DNM3: variants seen among roughly 807,000 people sequenced by gnomAD.
DNM3 encodes dynamin-3.
In DNM3, 47 loss-of-function variants were observed where a neutral mutation model predicts 101.6. The ratio of observed to expected loss-of-function variants is 0.46; its 90% CI spans 0.37 to 0.59. The LOEUF (loss-of-function observed/expected upper bound fraction) is 0.59, where lower values mean the gene tolerates loss of function less well. Among genes scored for constraint, DNM3 ranks in the 20% least tolerant of loss-of-function variants. DNM3 has a pLI of 0.00. For synonymous variants in DNM3, 385 were observed against 387.9 expected, an observed-to-expected ratio of 0.99 and a Z score of 0.09; for missense variants, 849 against 1,085.7, an observed-to-expected ratio of 0.78 and a Z score of 3.06.
At chr1:172,086,733 A>G (rs984365498) in intron 12 of DNM3, among the ~76,000 whole-genome samples, 23 of 152,098 alleles carry the variant, frequency 1.5e-4, no homozygotes, top group African/African-American at 5.3e-4. Context: ...TACTGAGAGA[A>G]AGAGCAAGGA....
intron 1 of DNM3, among the ~76,000 whole-genome samples, chr1:171,871,786 A>C (rs1159709034): frequency 1.3e-5 from 2 of 151,344 alleles, no homozygotes; most frequent in Non-Finnish European, 2.9e-5. Flanking sequence ...AGAGGTAGTA[A>C]ATTATTTCTT....
chr1:171,890,795 G>A (rs560618135), intron 1 of DNM3, among the ~76,000 whole-genome samples: 17 of 152,214 alleles, frequency 1.1e-4, no homozygotes, highest in Middle Eastern at 3.4e-3. Flanking sequence ...ACCAATCACA[G>A]CAGCAAAAAA....
Position 172,050,202 on chromosome 1 carries a change from G to A in DNM3, c.1335+1452G>A, listed in dbSNP as rs149406301. On this transcript the variant is annotated intron_variant, in intron 10 of 20. Coordinates refer to ENST00000627582, the MANE Select transcript of DNM3 (RefSeq NM_015569.5). Reference sequence around the variant, plus strand: ...GCTGCCCTCACCTACTCTTCAGAATGCAACCTATCGTGTCCCTTGTACATT... The same window carrying A: ...GCTGCCCTCACCTACTCTTCAGAATACAACCTATCGTGTCCCTTGTACATT... Among the ~76,000 whole-genome samples, 69 of 152,286 alleles carry A rather than the reference G, an allele frequency of 4.5e-4. 1 individual carries two copies. Among genetic ancestry groups the A allele is most frequent in the Admixed American group, 7.8e-4 (12 of 15,290 alleles).
At chr1:172,003,487 G>A (rs1487938836) in intron 4 of DNM3, among the ~76,000 whole-genome samples, 5 of 151,900 alleles carry the variant, frequency 3.3e-5, no homozygotes. Flanking sequence ...CTAAAGTTCT[G>A]TAAGAACTCC....
At chr1:171,870,708 A>G (rs1329500878) in intron 1 of DNM3, among the ~76,000 whole-genome samples, 2 of 152,210 alleles carry the variant, frequency 1.3e-5, no homozygotes, top group Non-Finnish European at 2.9e-5. Context: ...GAAAGATATG[A>G]CACAAAACAA....
intron 14 of DNM3, among the ~76,000 whole-genome samples, chr1:172,193,341 C>A (rs2148449814): frequency 6.6e-6 from 1 of 152,160 alleles, no homozygotes; most frequent in South Asian, 2.1e-4. Flanking sequence ...TGTGTCCCTG[C>A]CAGGCTTTGG....
intron 13 of DNM3, among the ~76,000 whole-genome samples, chr1:172,122,703 G>A (rs184028886): frequency 1.1e-3 from 161 of 152,314 alleles, no homozygotes; most frequent in African/African-American, 3.0e-3. Flanking sequence ...ATGTGTGTGC[G>A]TTAAGGGTGG....
chr1:172,383,707 T>C (rs1173325360), intron 18 of DNM3, among the ~76,000 whole-genome samples: 1 of 152,156 alleles, frequency 6.6e-6, no homozygotes, highest in Non-Finnish European at 1.5e-5. Context: ...TCCAAACATA[T>C]TACGGGTTGC....
At chr1:171,940,548 C>T (rs955517556) in intron 2 of DNM3, among the ~76,000 whole-genome samples, 21 of 152,148 alleles carry the variant, frequency 1.4e-4, no homozygotes, top group African/African-American at 4.1e-4. Flanking sequence ...TTTACTGTTA[C>T]ATTACATTGC....
chr1:172,201,130 A>G (rs2060137976), intron 14 of DNM3, among the ~76,000 whole-genome samples: 1 of 152,086 alleles, frequency 6.6e-6, no homozygotes, highest in Admixed American at 6.6e-5. Context: ...AGAGGATGAT[A>G]TGTTAGTGAG....
chr1:172,408,103 G>T lies in DNM3; in HGVS notation c.*262G>T. 4 of 1,235,534 alleles carry T rather than the reference G, an allele frequency of 3.2e-6. No individual in the cohort carries two copies. The highest frequency in any genetic ancestry group is 3.7e-5 in the Admixed American group (1 of 27,134). The allele number at this position is 1,235,534 out of a possible 1,614,324, so 76.5% of individuals were successfully genotyped here. A position where few individuals can be genotyped will look rare whatever the true frequency, so the allele number is the denominator to read the frequency against. ...TTTGTATAGCAGCCCTATACTTTGG[G>T]GATCATTTGCCTACCATGGCATATA... On this transcript the variant is annotated 3_prime_UTR_variant, in exon 21 of 21. Coordinates refer to ENST00000627582, the MANE Select transcript of DNM3 (RefSeq NM_015569.5).
chr1:172,005,129 T>A (rs973430228), intron 4 of DNM3, among the ~76,000 whole-genome samples: 2 of 152,090 alleles, frequency 1.3e-5, no homozygotes, highest in African/African-American at 4.8e-5. Context: ...ACTAGTTGTG[T>A]GACCTTGAAC....
intron 2 of DNM3, among the ~76,000 whole-genome samples, chr1:171,968,333 C>T (rs909728896): frequency 1.3e-5 from 2 of 151,912 alleles, no homozygotes; most frequent in East Asian, 1.9e-4. Flanking sequence ...TCTTAACTGG[C>T]TTTTATTTGT....
At chr1:171,966,519 T>C (rs1009926917) in intron 2 of DNM3, among the ~76,000 whole-genome samples, 4 of 152,234 alleles carry the variant, frequency 2.6e-5, no homozygotes, top group African/African-American at 9.6e-5. Context: ...AAGAGCTTTA[T>C]TAGCAATAGC....
chr1:172,040,226 C>A (rs992999201), intron 7 of DNM3, among the ~76,000 whole-genome samples: 3 of 152,068 alleles, frequency 2.0e-5, no homozygotes, highest in Non-Finnish European at 4.4e-5. Flanking sequence ...TATGTCATAC[C>A]TCTCCAGGTG....
At chr1:171,953,035 T>C (rs1023717834) in intron 2 of DNM3, among the ~76,000 whole-genome samples, 23 of 152,342 alleles carry the variant, frequency 1.5e-4, no homozygotes, top group Non-Finnish European at 2.5e-4. Context: ...ATTTCCATGA[T>C]AGTCCTTTGT....
At position 172,412,606 on chromosome 1, in the gene DNM3, AT is replaced by A; in HGVS notation, c.*4770del. The stretch of plus-strand genomic sequence containing the variant: ...CTGATATATGGACTCTTAGAATGGA[AT>A]TTTTGAAGAAAAATCTCAAAGCCTG... On this transcript the variant is annotated 3_prime_UTR_variant, in exon 21 of 21. Coordinates refer to ENST00000627582, the MANE Select transcript of DNM3 (RefSeq NM_015569.5). 2.0e-6 allele frequency: 2 copies of A among 985,848 alleles called. No homozygotes were observed. Among genetic ancestry groups the A allele is most frequent in the Non-Finnish European group, 2.4e-6 (2 of 829,942 alleles). 61.1% of individuals were successfully genotyped at this position (985,848 alleles called of 1,614,324 possible).
intron 14 of DNM3, among the ~76,000 whole-genome samples, chr1:172,145,406 C>G (rs1222602478): frequency 6.7e-6 from 1 of 150,268 alleles, no homozygotes; most frequent in East Asian, 2.0e-4. Flanking sequence ...CCCGCTCTCT[C>G]TCTCTTTCTC....
intron 2 of DNM3, among the ~76,000 whole-genome samples, chr1:171,948,807 A>G (rs1270493795): frequency 6.6e-6 from 1 of 152,198 alleles, no homozygotes; most frequent in Admixed American, 6.5e-5. Flanking sequence ...ACTAAGGTCA[A>G]GATTTGTAAA....
Sources: allele counts gnomAD v4.1 joint callset (sites outside exome capture counted in the v4.1 genomes callset), GRCh38; gene constraint gnomAD v4.1.1; transcripts MANE v1.5; gene names NCBI Gene and HGNC (gene_info 2026-07-23, HGNC 2026-07-21).